Variants in TIAM2 observed in about 807,000 individuals in gnomAD.
The protein encoded by TIAM2 is TIAM Rac1 associated GEF 2, also known as rho guanine nucleotide exchange factor TIAM2.
Under a neutral mutation model 152.9 loss-of-function variants are expected in TIAM2, and 80 were observed. That is an observed-to-expected ratio of 0.52 (90% CI 0.44 to 0.63). The LOEUF is 0.63. Among genes scored for constraint, TIAM2 ranks in the 30% least tolerant of loss-of-function variants. TIAM2 has a pLI of 0.00. For missense variants in TIAM2, 1,965 were observed against 2,120.1 expected, an observed-to-expected ratio of 0.93 and a Z score of 1.44; for synonymous variants, 804 against 838.0, an observed-to-expected ratio of 0.96 and a Z score of 0.70.
intron 1 of TIAM2, among the ~76,000 whole-genome samples, chr6:155,031,578 G>A (rs373664044): frequency 2.0e-5 from 3 of 152,064 alleles, no homozygotes; most frequent in Admixed American, 6.6e-5. Context: ...CAAAAAATTA[G>A]CTGGGTGTGG....
chr6:155,180,015 C>T (rs979149718), intron 12 of TIAM2, among the ~76,000 whole-genome samples: 12 of 152,254 alleles, frequency 7.9e-5, no homozygotes, highest in African/African-American at 2.4e-4. Flanking sequence ...CGCCGTGGCT[C>T]ATGCCTGTAA....
chr6:155,129,884 G>T lies in TIAM2; in HGVS notation c.661G>T (p.Asp221Tyr). 1 of 1,613,748 alleles carries T rather than the reference G, an allele frequency of 6.2e-7. No individual in the cohort carries two copies. The highest frequency in any genetic ancestry group is 8.5e-7 in the Non-Finnish European group (1 of 1,180,008). Residue 221 changes from aspartate (D) to tyrosine (Y), a missense_variant, in exon 4 of 27, where the codon GAT (aspartate) becomes TAT (tyrosine). Asp to Tyr is a radical substitution (Grantham distance 160). Transcript: ENST00000682666. The surrounding 1 kb of genome is among the most constrained non-coding windows in gnomAD (Gnocchi z 4.8). Reference sequence around the variant, plus strand: ...TGAAGCCAGGAGGGGGTCCAGCGCCGATTCCCTGCCCAGCCATCGCCCCTC... The same window carrying T: ...TGAAGCCAGGAGGGGGTCCAGCGCCTATTCCCTGCCCAGCCATCGCCCCTC... Reference protein sequence around the residue: ...VPEARRGSSADSLPSHRPSPT... With the variant: ...VPEARRGSSAYSLPSHRPSPT...
intron 1 of TIAM2, among the ~76,000 whole-genome samples, chr6:155,033,541 T>C (rs1776861898): frequency 6.6e-6 from 1 of 152,062 alleles, no homozygotes; most frequent in Non-Finnish European, 1.5e-5. Context: ...AGGTTTAGTT[T>C]CTTAGTTAAG....
chr6:155,068,058 G>A (rs573624484), intron 1 of TIAM2, among the ~76,000 whole-genome samples: 2 of 152,302 alleles, frequency 1.3e-5, no homozygotes, highest in South Asian at 4.1e-4. Context: ...GGGGTGATAT[G>A]CAGCAGTGTA....
intron 14 of TIAM2, among the ~76,000 whole-genome samples, chr6:155,191,661 G>A (rs958509179): frequency 2.0e-5 from 3 of 152,064 alleles, no homozygotes; most frequent in Admixed American, 6.6e-5. Context: ...GCGTTGTGGC[G>A]CACACCTGTA....
chr6:155,047,695 GA>G (rs761116494), intron 1 of TIAM2, among the ~76,000 whole-genome samples: 48,681 of 75,818 alleles, frequency 0.64, 12,599 homozygotes, highest in Non-Finnish European at 0.67. Context: ...AGAGGAGAGA[GA>G]GAGAGAGAGC....
intron 1 of TIAM2, among the ~76,000 whole-genome samples, chr6:155,083,833 C>T (rs1319401236): frequency 6.6e-6 from 1 of 152,166 alleles, no homozygotes; most frequent in Non-Finnish European, 1.5e-5. Flanking sequence ...GTCTTATATG[C>T]TGGACAATGT....
chr6:155,103,178 G>A (rs1047432933), intron 2 of TIAM2, among the ~76,000 whole-genome samples: 9 of 152,242 alleles, frequency 5.9e-5, no homozygotes, highest in Admixed American at 2.0e-4. Flanking sequence ...GACAGTATAC[G>A]ACTGTAGTTG....
chr6:155,242,329 C>T lies in TIAM2; in HGVS notation c.3348+1620C>T, dbSNP rs186242726. On this transcript the variant is annotated intron_variant, in intron 16 of 26. Transcript: ENST00000682666. The stretch of plus-strand genomic sequence containing the variant: ...TTCTTCATTTCTTTTTTGTTGCTGA[C>T]GTTTAACACAGAATCTTGTTGTTTT... Among the ~76,000 whole-genome samples, 19 of 152,342 alleles carry T rather than the reference C, an allele frequency of 1.2e-4. No homozygotes were observed. In the South Asian group the frequency reaches 1.9e-3, roughly 15 times the overall value.
At chr6:155,104,549 A>C (rs1003219640) in intron 2 of TIAM2, among the ~76,000 whole-genome samples, 18 of 152,122 alleles carry the variant, frequency 1.2e-4, no homozygotes, top group African/African-American at 4.3e-4. Context: ...TGAGGTCAGG[A>C]GATCGAGACC....
At chr6:155,054,255 A>T (rs1777389148) in intron 1 of TIAM2, among the ~76,000 whole-genome samples, 1 of 152,070 alleles carries the variant, frequency 6.6e-6, no homozygotes, top group Non-Finnish European at 1.5e-5. Context: ...AGGCACTCGT[A>T]CTCTGTGCAC....
chr6:155,032,596 A>G (rs567689027), intron 1 of TIAM2, among the ~76,000 whole-genome samples: 40 of 152,224 alleles, frequency 2.6e-4, no homozygotes, highest in African/African-American at 8.7e-4. Context: ...GCTGGAGTGC[A>G]GTGGCGTGAT....
Position 155,214,235 on chromosome 6 carries a change from G to A in TIAM2, c.3168+2928G>A, listed in dbSNP as rs964253048. ...CACAGCGCTGGCCGTGCCTCCCCCGGTGCAGCCGGCATCATCGCAGTGACT... is the reference window on the plus strand; with the variant it reads ...CACAGCGCTGGCCGTGCCTCCCCCGATGCAGCCGGCATCATCGCAGTGACT... On this transcript the variant is annotated intron_variant, in intron 15 of 26. Coordinates refer to ENST00000682666, the MANE Select transcript of TIAM2 (RefSeq NM_012454.4). The surrounding 1 kb of genome is among the most constrained non-coding windows in gnomAD (Gnocchi z 5.4). Among the ~76,000 whole-genome samples the A allele has an allele frequency of 6.6e-6, 1 of 152,234 alleles. No individual in the cohort carries two copies. The highest frequency in any genetic ancestry group is 1.5e-5 in the Non-Finnish European group (1 of 68,038).
chr6:155,077,580 T>C (rs1367898485), intron 1 of TIAM2, among the ~76,000 whole-genome samples: 1 of 152,200 alleles, frequency 6.6e-6, no homozygotes, highest in Non-Finnish European at 1.5e-5. Flanking sequence ...TCGAAGTTTT[T>C]ATTAGTGCTG....
intron 14 of TIAM2, among the ~76,000 whole-genome samples, chr6:155,190,531 G>A (rs1349478236): frequency 1.3e-5 from 2 of 152,254 alleles, no homozygotes; most frequent in African/African-American, 2.4e-5. Context: ...GGACCAGGCA[G>A]TATGAGGGTC....
At position 155,176,834 on chromosome 6, in the gene TIAM2, A is replaced by G. The variant is rs760641237; in HGVS notation, c.2380A>G (p.Ile794Val). ...SITQVDELLHIYGSTVDGVPR... is the reference protein window; with the variant it reads ...SITQVDELLHVYGSTVDGVPR... Reference sequence around the variant, plus strand: ...CAAACAGGTCGATGAACTTCTGCATATATATGGTTCAACAGTAGACGGTGT... The same window carrying G: ...CAAACAGGTCGATGAACTTCTGCATGTATATGGTTCAACAGTAGACGGTGT... Residue 794 changes from isoleucine (I) to valine (V), a missense_variant, in exon 10 of 27, where the codon ATA becomes GTA. This residue lies in a region of TIAM2 where 1,025 missense variants were observed against 1,119.4 expected (regional missense o/e 0.92). Coordinates refer to ENST00000682666, the MANE Select transcript of TIAM2 (RefSeq NM_012454.4). 2 of 1,612,328 alleles carry G rather than the reference A, an allele frequency of 1.2e-6. No individual in the cohort carries two copies. The highest frequency in any genetic ancestry group is 2.2e-5 in the South Asian group (2 of 90,816).
At chr6:155,065,623 C>T (rs1416418143) in intron 1 of TIAM2, among the ~76,000 whole-genome samples, 1 of 151,980 alleles carries the variant, frequency 6.6e-6, no homozygotes, top group African/African-American at 2.4e-5. Flanking sequence ...ACTAAAAATA[C>T]GAAAATTAGC....
rs185942558 is a variant in TIAM2 at position 155,256,810 on chromosome 6, G to A, written c.4795G>A (p.Glu1599Lys). 4.3e-6 allele frequency: 7 copies of A among 1,614,048 alleles called. No homozygotes were observed. Among genetic ancestry groups the A allele is most frequent in the South Asian group, 1.1e-5 (1 of 91,078 alleles). ...TCAGTTCCAGAGACTGAGGATTTCC[G>A]AGGACCCAGACGTTCACCCCGAGGC... Reference protein sequence around the residue: ...EIQFQRLRISEDPDVHPEAEQ... With the variant: ...EIQFQRLRISKDPDVHPEAEQ... The change falls in exon 27 of 27, where the codon GAG becomes AAG. Residue 1599 changes from glutamate (E) to lysine (K), a missense_variant. Glu to Lys is a moderately conservative substitution (Grantham distance 56, BLOSUM62 1). Around this residue, in one of 3 missense-constraint regions of TIAM2, gnomAD observed 935 missense variants for 980.0 expected, o/e 0.95. Coordinates refer to ENST00000682666, the MANE Select transcript of TIAM2 (RefSeq NM_012454.4).
At chr6:155,145,990 G>T (rs1779811282) in intron 6 of TIAM2, among the ~76,000 whole-genome samples, 1 of 152,118 alleles carries the variant, frequency 6.6e-6, no homozygotes, top group Non-Finnish European at 1.5e-5. Context: ...TGTAAGGAAG[G>T]TAAAAAAACA....
Sources: allele counts gnomAD v4.1 joint callset (sites outside exome capture counted in the v4.1 genomes callset), GRCh38; gene constraint gnomAD v4.1.1; regional missense constraint gnomAD v4.1.1; non-coding constraint Gnocchi (gnomAD v3.1); transcripts MANE v1.5; gene names NCBI Gene and HGNC (gene_info 2026-07-23, HGNC 2026-07-21).